The following RPTOR variants were observed in gnomAD, a reference collection of about 807,000 sequenced individuals.
RPTOR encodes the protein regulatory associated protein of MTOR complex 1.
A neutral mutation model predicts 169.9 loss-of-function variants in RPTOR; 21 were observed. The observed-to-expected ratio is 0.12, with a 90% CI of 0.09 to 0.18. The LOEUF is 0.18. Ranked by LOEUF, RPTOR falls within the 10% of genes least tolerant of loss-of-function variation. The pLI, the probability that RPTOR is intolerant of heterozygous loss-of-function variation, is 1.00. For missense variants in RPTOR, 1,133 were observed against 1,855.9 expected, an observed-to-expected ratio of 0.61 and a Z score of 7.16; for synonymous variants, 732 against 753.2, an observed-to-expected ratio of 0.97 and a Z score of 0.46.
chr17:80,695,298 G>A lies in RPTOR; in HGVS notation c.349-12543G>A, dbSNP rs2066027075. On this transcript the variant is annotated intron_variant, in intron 3 of 33. Transcript: ENST00000306801. The surrounding 1 kb of genome is among the most constrained non-coding windows in gnomAD (Gnocchi z 4.9). ...CGAGACTTTCACATCAGCCACCCGG[G>A]CAGGGCCCGCGTTAGTTTAGTTGTT... 6.6e-6 allele frequency among the ~76,000 whole-genome samples: 1 copy of A among 152,232 alleles called. No homozygotes were observed. Among genetic ancestry groups the A allele is most frequent in the Admixed American group, 6.5e-5 (1 of 15,286 alleles).
At chr17:80,586,035 C>T (rs2065057964) in intron 1 of RPTOR, among the ~76,000 whole-genome samples, 1 of 152,076 alleles carries the variant, frequency 6.6e-6, no homozygotes, top group African/African-American at 2.4e-5. Flanking sequence ...ACATCTGTCA[C>T]AATGTTGTTT....
chr17:80,920,598 G>A (rs902568784), intron 21 of RPTOR, among the ~76,000 whole-genome samples: 3 of 152,244 alleles, frequency 2.0e-5, no homozygotes, highest in South Asian at 2.1e-4. Context: ...TCCCACGGGC[G>A]CTTCCGTGCA....
intron 7 of RPTOR, among the ~76,000 whole-genome samples, chr17:80,816,271 C>G (rs1413519041): frequency 2.0e-5 from 3 of 152,230 alleles, no homozygotes; most frequent in Admixed American, 2.0e-4. Context: ...GCAGGCCTGG[C>G]TGCAGGGTGC....
At chr17:80,817,009 A>C (rs1050314893) in intron 7 of RPTOR, among the ~76,000 whole-genome samples, 11 of 152,158 alleles carry the variant, frequency 7.2e-5, no homozygotes, top group Non-Finnish European at 1.0e-4. Context: ...TCTCCATCTG[A>C]AAAGCAAGTG....
intron 1 of RPTOR, among the ~76,000 whole-genome samples, chr17:80,563,986 C>T (rs1401319851): frequency 1.3e-5 from 2 of 152,208 alleles, no homozygotes; most frequent in Non-Finnish European, 2.9e-5. Flanking sequence ...GCAGTTAACT[C>T]ACCTGCTGAT....
chr17:80,807,786 C>T (rs1183132302), intron 7 of RPTOR, among the ~76,000 whole-genome samples: 1 of 152,040 alleles, frequency 6.6e-6, no homozygotes, highest in Non-Finnish European at 1.5e-5. Flanking sequence ...TTTGAGCATC[C>T]TGTTTTTTCC....
chr17:80,918,398 C>CCCACGAGCACCCTCGCGGGGGTCATAG (rs534084044), intron 21 of RPTOR, among the ~76,000 whole-genome samples: 9 of 142,416 alleles, frequency 6.3e-5, no homozygotes, highest in African/African-American at 1.6e-4. Flanking sequence ...CAGCGGCTGC[C>CCCACGAGCACCCTCGCGGGGGTCATAG]CCACGAGCAC....
chr17:80,684,008 C>T lies in RPTOR; in HGVS notation c.349-23833C>T, dbSNP rs143275048. On this transcript the variant is annotated intron_variant, in intron 3 of 33. Transcript: ENST00000306801. ...TGCCACAATACACAGGAAGTAAATT[C>T]AGAATTGCCGTCTCGTACCATCGTA... Among the ~76,000 whole-genome samples, 8 of 152,324 alleles carry T rather than the reference C, an allele frequency of 5.3e-5. No individual in the cohort carries two copies. The East Asian group carries it at 1.5e-3, about 29-fold the overall frequency.
intron 11 of RPTOR, among the ~76,000 whole-genome samples, chr17:80,851,067 T>C (rs1007759634): frequency 1.3e-5 from 2 of 152,248 alleles, no homozygotes; most frequent in African/African-American, 4.8e-5. Flanking sequence ...TAGCTGGAAC[T>C]GCATGCATGT....
At position 80,856,233 on chromosome 17, in the gene RPTOR, G is replaced by T. The variant is rs563114841; in HGVS notation, c.1398+686G>T. On this transcript the variant is annotated intron_variant, in intron 12 of 33. Transcript: ENST00000306801. ...AACAATTAGAAATTTTACAGGTGCT[G>T]GATTTATGTTATTCAAGAATCATTG... Among the ~76,000 whole-genome samples the T allele has an allele frequency of 3.2e-3, 484 of 152,266 alleles. 3 individuals are homozygous for T. The highest frequency in any genetic ancestry group is 0.011 in the African/African-American group (471 of 41,548).
chr17:80,663,323 G>T (rs1471933656), intron 3 of RPTOR, among the ~76,000 whole-genome samples: 1 of 152,204 alleles, frequency 6.6e-6, no homozygotes, highest in East Asian at 1.9e-4. Flanking sequence ...GTATGGGATT[G>T]CAGGTCATTG....
intron 4 of RPTOR, among the ~76,000 whole-genome samples, chr17:80,725,652 T>A (rs2066325987): frequency 6.6e-6 from 1 of 152,208 alleles, no homozygotes; most frequent in Non-Finnish European, 1.5e-5. Flanking sequence ...GGCTGCAGGC[T>A]GCCCTTTGCT....
chr17:80,770,356 C>A (rs751245201), intron 6 of RPTOR, among the ~76,000 whole-genome samples: 2 of 152,178 alleles, frequency 1.3e-5, no homozygotes, highest in Non-Finnish European at 2.9e-5. Flanking sequence ...GCCTTCTCAG[C>A]GTAGCAGCCC....
intron 1 of RPTOR, among the ~76,000 whole-genome samples, chr17:80,566,507 G>C (rs965290760): frequency 6.6e-6 from 1 of 152,088 alleles, no homozygotes; most frequent in Non-Finnish European, 1.5e-5. Context: ...GGAGGTAGGG[G>C]TAGGTAGAAT....
At chr17:80,953,873 AG>A (rs1482594000) in intron 28 of RPTOR, among the ~76,000 whole-genome samples, 2 of 152,206 alleles carry the variant, frequency 1.3e-5, no homozygotes, top group African/African-American at 4.8e-5. Flanking sequence ...CTCCCAGCGG[AG>A]GAGCAGGGCT....
At chr17:80,569,069 T>G (rs572647033) in intron 1 of RPTOR, among the ~76,000 whole-genome samples, 7 of 152,256 alleles carry the variant, frequency 4.6e-5, no homozygotes, top group Non-Finnish European at 1.0e-4. Flanking sequence ...ATTCATGCTC[T>G]CTTTTAAATC....
At chr17:80,857,196 G>C (rs1234275223) in intron 12 of RPTOR, among the ~76,000 whole-genome samples, 2 of 152,226 alleles carry the variant, frequency 1.3e-5, no homozygotes, top group Admixed American at 6.5e-5. Flanking sequence ...AGGGCAGAGA[G>C]TCCCCTGAGA....
Position 80,895,111 on chromosome 17 carries a change from C to T in RPTOR, c.2401+1246C>T, listed in dbSNP as rs140932755. On this transcript the variant is annotated intron_variant, in intron 20 of 33. Transcript: ENST00000306801. ...TTTCTTCTTGCCTTTTGTTCCTTTTCTTAATAAGCAAACTCAGAATTCAGC... is the reference window on the plus strand; with the variant it reads ...TTTCTTCTTGCCTTTTGTTCCTTTTTTTAATAAGCAAACTCAGAATTCAGC... Among the ~76,000 whole-genome samples the T allele has an allele frequency of 3.0e-3, 459 of 152,318 alleles. 4 individuals carry two copies. Among genetic ancestry groups the T allele is most frequent in the African/African-American group, 0.011 (444 of 41,564 alleles).
At position 80,891,814 on chromosome 17, in the gene RPTOR, C is replaced by A. The variant is rs2068327864; in HGVS notation, c.2078C>A (p.Ala693Asp). 6.2e-7 allele frequency: 1 copy of A among 1,613,644 alleles called. No individual in the cohort carries two copies. Among genetic ancestry groups the A allele is most frequent in the Admixed American group, 1.7e-5 (1 of 59,994 alleles). The change falls in exon 18 of 34, where the codon GCC (alanine) becomes GAC (aspartate). Residue 693 changes from alanine (A) to aspartate (D), a missense_variant. Physicochemically the swap from Ala to Asp is moderately radical, Grantham distance 126 (BLOSUM62 -2). Transcript: ENST00000306801. ...LQFIEEEKNY[A>D]LPSPATTEGG... ...TTCATAGAAGAGGAAAAGAACTACGCCTTGCCTTCTCCAGCAACCACAGGT... is the reference window on the plus strand; with the variant it reads ...TTCATAGAAGAGGAAAAGAACTACGACTTGCCTTCTCCAGCAACCACAGGT...
Sources: allele counts gnomAD v4.1 joint callset (sites outside exome capture counted in the v4.1 genomes callset), GRCh38; gene constraint gnomAD v4.1.1; non-coding constraint Gnocchi (gnomAD v3.1); transcripts MANE v1.5; gene names NCBI Gene and HGNC (gene_info 2026-07-23, HGNC 2026-07-21).